RMC1: variants seen among roughly 807,000 people sequenced by gnomAD.
The protein encoded by RMC1 is regulator of MON1-CCZ1.
A neutral mutation model predicts 95.5 loss-of-function variants in RMC1; 44 were observed. The observed-to-expected ratio is 0.46, with a 90% CI of 0.36 to 0.59. The LOEUF (loss-of-function observed/expected upper bound fraction) is 0.59. RMC1 is among the 20% of genes least tolerant of loss of function. RMC1 has a pLI of 0.00. For synonymous variants in RMC1, 320 were observed against 303.6 expected, an observed-to-expected ratio of 1.05 and a Z score of -0.56; for missense variants, 705 against 819.6, an observed-to-expected ratio of 0.86 and a Z score of 1.71.
Position 23,526,339 on chromosome 18 carries a change from T to G in RMC1, c.1061-298T>G, listed in dbSNP as rs1295961972. Reference sequence around the variant, plus strand: ...GGCTAGGTCTAGGGAAGTCCCCGTTTGGAATGAAGGACTAGGAGCTACACC... The same window carrying G: ...GGCTAGGTCTAGGGAAGTCCCCGTTGGGAATGAAGGACTAGGAGCTACACC... On this transcript the variant is annotated intron_variant, in intron 12 of 19. Transcript: ENST00000269221. Among the ~76,000 whole-genome samples the G allele has an allele frequency of 2.0e-5, 3 of 152,228 alleles. No homozygotes were observed. The East Asian group carries it at 5.8e-4, about 29-fold the overall frequency.
chr18:23,530,230 C>T lies in RMC1; in HGVS notation c.1601C>T (p.Ala534Val). 1 of 1,614,196 alleles carries T rather than the reference C, an allele frequency of 6.2e-7. No homozygotes were observed. The highest frequency in any genetic ancestry group is 8.5e-7 in the Non-Finnish European group (1 of 1,180,028). ...YHVLSDSKPL[A>V]CLLLSLESFY... ...AGTGGGTCTAAAAATGTCTTTCAGGCTTGTCTGCTGTTATCCCTAGAGAGT... is the reference window on the plus strand; with the variant it reads ...AGTGGGTCTAAAAATGTCTTTCAGGTTTGTCTGCTGTTATCCCTAGAGAGT... Residue 534 changes from alanine to valine, a missense_variant and splice_region_variant, in exon 18 of 20, where the codon GCT (alanine) becomes GTT (valine). Coordinates refer to ENST00000269221, the MANE Select transcript of RMC1 (RefSeq NM_013326.5).
At chr18:23,513,922 A>G (rs1788812) in intron 5 of RMC1, among the ~76,000 whole-genome samples, 9 of 152,212 alleles carry the variant, frequency 5.9e-5, no homozygotes, top group Admixed American at 2.0e-4. Flanking sequence ...TCTGATATTA[A>G]CACCTTCTTA....
chr18:23,503,725 G>GC lies in RMC1; in HGVS notation c.102+5_102+6insC. 6.3e-7 allele frequency: 1 copy of GC among 1,583,858 alleles called. No homozygotes were observed. Among genetic ancestry groups the GC allele is most frequent in the Non-Finnish European group, 8.6e-7 (1 of 1,166,406 alleles). On this transcript the variant is annotated splice_donor_region_variant and intron_variant, in intron 1 of 19. Coordinates refer to ENST00000269221, the MANE Select transcript of RMC1 (RefSeq NM_013326.5). ...TTCGATGAGGCCAACAAGCAGGTCC[G>GC]GCGCGCCCGCGCTTCCTCCCCCGCG...
rs1162882322 is a variant in RMC1 at position 23,530,247 on chromosome 18, C to G, written c.1618C>G (p.Leu540Val). Residue 540 changes from leucine to valine, a missense_variant, in exon 18 of 20, where the codon CTA (leucine) becomes GTA (valine). Transcript: ENST00000269221. The part of the protein sequence containing the change: ...SKPLACLLLS[L>V]ESFYPPAHQL... ...CTTTCAGGCTTGTCTGCTGTTATCC[C>G]TAGAGAGTTTCTATCCTCCTGCTCA... 6.2e-7 allele frequency: 1 copy of G among 1,614,206 alleles called. No homozygotes were observed. The highest frequency in any genetic ancestry group is 8.5e-7 in the Non-Finnish European group (1 of 1,180,032).
chr18:23,526,642 C>G lies in RMC1; in HGVS notation c.1066C>G (p.Leu356Val). The change falls in exon 13 of 20, where the codon CTC becomes GTC. Residue 356 changes from leucine to valine, a missense_variant. By Grantham distance (32) the Leu-to-Val change is conservative. Transcript: ENST00000269221. Reference sequence around the variant, plus strand: ...TGCTGCCTCTTAAAATCCAGGTTACCTCTGGAACCTCCAAGTGAAACTTGA... The same window carrying G: ...TGCTGCCTCTTAAAATCCAGGTTACGTCTGGAACCTCCAAGTGAAACTTGA... Reference protein sequence around the residue: ...DIIISASQGYLWNLQVKLEPI... With the variant: ...DIIISASQGYVWNLQVKLEPI... 6.2e-7 allele frequency: 1 copy of G among 1,613,958 alleles called. No homozygotes were observed. Among genetic ancestry groups the G allele is most frequent in the Non-Finnish European group, 8.5e-7 (1 of 1,179,936 alleles).
Position 23,525,652 on chromosome 18 carries a change from T to C in RMC1, c.1061-985T>C, listed in dbSNP as rs138258648. Reference sequence around the variant, plus strand: ...GTTGGCCAGGATGGTCTCGATCTCCTGACCTCGTGATCTGCCCACCTCAGC... The same window carrying C: ...GTTGGCCAGGATGGTCTCGATCTCCCGACCTCGTGATCTGCCCACCTCAGC... On this transcript the variant is annotated intron_variant, in intron 12 of 19. Coordinates refer to ENST00000269221, the MANE Select transcript of RMC1 (RefSeq NM_013326.5). 4.1e-3 allele frequency among the ~76,000 whole-genome samples: 630 copies of C among 152,116 alleles called. 3 individuals carry two copies. Among genetic ancestry groups the C allele is most frequent in the African/African-American group, 0.014 (592 of 41,506 alleles).
At position 23,526,486 on chromosome 18, in the gene RMC1, CTTTGG is replaced by C. The variant is rs1048274906; in HGVS notation, c.1061-148_1061-144del. The C allele has an allele frequency of 5.5e-5, 50 of 905,478 alleles. No homozygotes were observed. The Admixed American group carries it at 1.4e-3, about 25-fold the overall frequency. 56.1% of individuals were successfully genotyped at this position (905,478 alleles called of 1,614,324 possible). A position where few individuals can be genotyped will look rare whatever the true frequency, so the allele number is the denominator to read the frequency against. ...ATTGCTCCTGAATGGCTCAGCTCTG[CTTTGG>C]TTAGGAAGGAAAAGCTACACTGACT... On this transcript the variant is annotated intron_variant, in intron 12 of 19. Transcript: ENST00000269221.
rs202172081 is a variant in RMC1, at chr18:23,516,724, CTTCT to C, written c.653+304_653+307del. Among the ~76,000 whole-genome samples, 195 of 140,432 alleles carry C rather than the reference CTTCT, an allele frequency of 1.4e-3. 2 individuals are homozygous for C. The highest frequency in any genetic ancestry group is 2.6e-3 in the African/African-American group (100 of 37,816). The allele number at this position is 140,432 out of a possible 152,430, so 92.1% of individuals were successfully genotyped here. ...TAGTATCTTTGTTTTAGAATTTCTT[CTTCT>C]TTTTTTTTTTTTTTCGAGACAGAGT... is the stretch of plus-strand genomic sequence containing the variant. On this transcript the variant is annotated intron_variant, in intron 7 of 19. Coordinates refer to ENST00000269221, the MANE Select transcript of RMC1 (RefSeq NM_013326.5).
In RMC1 at chr18:23,523,682, A is replaced by G. The variant is rs138759190; in HGVS notation, c.962-448A>G. Among the ~76,000 whole-genome samples the G allele has an allele frequency of 6.6e-3, 1,000 of 152,132 alleles. 9 individuals carry two copies. The highest frequency in any genetic ancestry group is 0.023 in the African/African-American group (955 of 41,512). ...TGGTTATAGTGGGCTATGATCAACT[A>G]CTGCACTCAAGCCTGGACAGCAGAG... is the stretch of plus-strand genomic sequence containing the variant. On this transcript the variant is annotated intron_variant, in intron 10 of 19. Coordinates refer to ENST00000269221, the MANE Select transcript of RMC1 (RefSeq NM_013326.5).
intron 10 of RMC1, 92 bp downstream of exon 10, chr18:23,520,405 G>GT (rs2058112577): frequency 1.9e-6 from 2 of 1,034,774 alleles, no homozygotes; most frequent in African/African-American, 3.2e-5. Context: ...TAAAAGTGGA[G>GT]TGAGGAATAA....
chr18:23,526,793 G>T (rs1303969072), intron 13 of RMC1, 28 bp downstream of exon 13: 9 of 1,610,464 alleles, frequency 5.6e-6, no homozygotes, highest in Non-Finnish European at 7.6e-6. Flanking sequence ...CCCTTGCTCT[G>T]ATTCCAGTGT....
chr18:23,516,517 AC>A, intron 7 of RMC1, 94 bp downstream of exon 7: 1 of 1,265,736 alleles, frequency 7.9e-7, no homozygotes, highest in South Asian at 1.2e-5. Flanking sequence ...TGATGCCCTG[AC>A]CCCTAGAACA....
rs944414108 is a variant in RMC1 at position 23,503,526 on chromosome 18, G to T, written c.-93G>T. ...CGCCGGGCCCAGAGCCGCAGCCGCA[G>T]CCGCCGCTACAGTCCGGGCCGGGCT... is the stretch of plus-strand genomic sequence containing the variant. On this transcript the variant is annotated 5_prime_UTR_variant, in exon 1 of 20. Transcript: ENST00000269221. 108 of 834,636 alleles carry T rather than the reference G, an allele frequency of 1.3e-4. No individual in the cohort carries two copies. The East Asian group carries it at 4.1e-3, about 31-fold the overall frequency. The allele number at this position is 834,636 out of a possible 1,614,324, so 51.7% of individuals were successfully genotyped here.
chr18:23,530,687 G>A lies in RMC1; in HGVS notation c.1894+75G>A, dbSNP rs141714570. 154 of 1,416,292 alleles carry A rather than the reference G, an allele frequency of 1.1e-4. 1 individual carries two copies. In the African/African-American group the frequency reaches 1.8e-3, roughly 17 times the overall value. The allele number at this position is 1,416,292 out of a possible 1,614,324, so 87.7% of individuals were successfully genotyped here. On this transcript the variant is annotated intron_variant, in intron 19 of 19. Coordinates refer to ENST00000269221, the MANE Select transcript of RMC1 (RefSeq NM_013326.5). ...CAGAGGGCACTGGCAGCTGGTGGGC[G>A]AGGACCCTGGGTTAGCATTTTTGTA... is the stretch of plus-strand genomic sequence containing the variant.
chr18:23,527,611 T>A (rs1199106663), intron 13 of RMC1, among the ~76,000 whole-genome samples, 184 bp from the exon 14 acceptor site: 1 of 150,510 alleles, frequency 6.6e-6, no homozygotes. Context: ...TTTTTTTTTT[T>A]AACCGTAACC....
Position 23,530,412 on chromosome 18 carries a change from T to C in RMC1, c.1694T>C (p.Ile565Thr), listed in dbSNP as rs1053412773. ...LKRLSTANDEIVEVLLSKHQV... is the reference protein window; with the variant it reads ...LKRLSTANDETVEVLLSKHQV... ...CGACTTTCAACAGCAAATGATGAAATAGTAGAAGTTCTCCTTTCCAAACAC... is the reference window on the plus strand; with the variant it reads ...CGACTTTCAACAGCAAATGATGAAACAGTAGAAGTTCTCCTTTCCAAACAC... The change falls in exon 19 of 20, where the codon ATA becomes ACA. Residue 565 changes from isoleucine to threonine, a missense_variant. Transcript: ENST00000269221. 2 of 1,614,120 alleles carry C rather than the reference T, an allele frequency of 1.2e-6. No homozygotes were observed. The highest frequency in any genetic ancestry group is 8.5e-7 in the Non-Finnish European group (1 of 1,180,042).
At chr18:23,517,441 C>G (rs913797661) in intron 7 of RMC1, among the ~76,000 whole-genome samples, 1 of 152,122 alleles carries the variant, frequency 6.6e-6, no homozygotes, top group South Asian at 2.1e-4. Flanking sequence ...AGCCACCACG[C>G]CTGGCAGTAC....
intron 9 of RMC1, 114 bp downstream of exon 9, chr18:23,519,288 C>T (rs1165595315): frequency 1.0e-5 from 9 of 862,968 alleles, no homozygotes; most frequent in African/African-American, 3.3e-5. Context: ...GAGGCCAAGG[C>T]GGACAGATTG....
At chr18:23,516,219 A>G in intron 6 of RMC1, 101 bp from the exon 7 acceptor site, 1 of 1,436,018 alleles carries the variant, frequency 7.0e-7, no homozygotes, top group Non-Finnish European at 9.8e-7. Flanking sequence ...AAAGGATCCA[A>G]AGACGAAGTC....
Sources: allele counts gnomAD v4.1 joint callset (sites outside exome capture counted in the v4.1 genomes callset), GRCh38; gene constraint gnomAD v4.1.1; transcripts MANE v1.5; gene names NCBI Gene and HGNC (gene_info 2026-07-23, HGNC 2026-07-21).